ADAMTSL1: variants seen among roughly 807,000 people sequenced by gnomAD.
ADAMTSL1 encodes the protein ADAMTS like 1.
ADAMTSL1 carries 126 observed loss-of-function variants against 201.8 expected under a neutral mutation model. The ratio of observed to expected loss-of-function variants is 0.62; its 90% CI spans 0.54 to 0.72. The LOEUF (loss-of-function observed/expected upper bound fraction) is 0.72, where lower values mean the gene tolerates loss of function less well. Among genes scored for constraint, ADAMTSL1 ranks in the 30% least tolerant of loss-of-function variants. The pLI, the probability that ADAMTSL1 is intolerant of heterozygous loss-of-function variation, is 0.00. For synonymous variants in ADAMTSL1, 1,121 were observed against 903.4 expected, an observed-to-expected ratio of 1.24 and a Z score of -4.32; for missense variants, 2,679 against 2,277.8, an observed-to-expected ratio of 1.18 and a Z score of -3.59.
chr9:18,338,828 A>C (rs71506873), intron 2 of ADAMTSL1, among the ~76,000 whole-genome samples: 1 of 151,842 alleles, frequency 6.6e-6, no homozygotes, highest in Non-Finnish European at 1.5e-5. Flanking sequence ...CTTTGTGTCC[A>C]TATGTACTCA....
intron 1 of ADAMTSL1, among the ~76,000 whole-genome samples, chr9:18,489,141 G>A (rs1341232742): frequency 6.6e-6 from 1 of 152,134 alleles, no homozygotes; most frequent in Non-Finnish European, 1.5e-5. Context: ...TAATTTGAAT[G>A]TATAGACAGA....
At chr9:18,337,244 G>A (rs1021477822) in intron 2 of ADAMTSL1, among the ~76,000 whole-genome samples, 4 of 152,118 alleles carry the variant, frequency 2.6e-5, no homozygotes, top group African/African-American at 9.7e-5. Flanking sequence ...ATCGGTGTAA[G>A]ACTCTTGGAC....
intron 2 of ADAMTSL1, among the ~76,000 whole-genome samples, chr9:18,284,324 T>TA (rs1832915389): frequency 6.6e-6 from 1 of 152,234 alleles, no homozygotes; most frequent in African/African-American, 2.4e-5. Flanking sequence ...TCCCCCTTTC[T>TA]ATTCCAGACT....
intron 3 of ADAMTSL1, among the ~76,000 whole-genome samples, chr9:18,553,382 C>T (rs1820911467): frequency 6.6e-6 from 1 of 151,630 alleles, no homozygotes; most frequent in African/African-American, 2.4e-5. Context: ...AACACTTTAG[C>T]TCTGATTAAC....
In ADAMTSL1 at chr9:18,214,889, C is replaced by T. The variant is rs73645736; in HGVS notation, c.207+50908C>T. ...ATTTACATGTATGTGACCCTGAATACACTTTCTGTAGACATTATCTTCTGC... is the reference window on the plus strand; with the variant it reads ...ATTTACATGTATGTGACCCTGAATATACTTTCTGTAGACATTATCTTCTGC... On this transcript the variant is annotated intron_variant, in intron 2 of 29. Transcript: ENST00000680146. Among the ~76,000 whole-genome samples, 1,239 of 152,216 alleles carry T rather than the reference C, an allele frequency of 8.1e-3. 17 individuals are homozygous for T. Among genetic ancestry groups the T allele is most frequent in the African/African-American group, 0.028 (1,168 of 41,566 alleles).
intron 2 of ADAMTSL1, among the ~76,000 whole-genome samples, chr9:18,312,872 T>G (rs1310764139): frequency 1.3e-5 from 2 of 152,238 alleles, no homozygotes; most frequent in African/African-American, 2.4e-5. Flanking sequence ...ATATGAATGA[T>G]GTGCTGCTTC....
chr9:18,777,503 C>A lies in ADAMTSL1; in HGVS notation c.3274C>A (p.Leu1092Met). The A allele has an allele frequency of 6.3e-7, 1 of 1,596,188 alleles. No individual in the cohort carries two copies. The highest frequency in any genetic ancestry group is 8.5e-7 in the Non-Finnish European group (1 of 1,171,830). The change falls in exon 19 of 29, where the codon CTG becomes ATG. Residue 1092 changes from leucine (L) to methionine (M), a missense_variant. Physicochemically the swap from Leu to Met is conservative, Grantham distance 15. Coordinates refer to ENST00000380548, the MANE Select transcript of ADAMTSL1 (RefSeq NM_001040272.6). ...GAACCTCTCCCAGCAGCCCGAGGAG[C>A]TGCGCGACCTCTACAGCAAGCACCT... ...LGNLSQQPEE[L>M]RDLYSKHLVA...
intron 3 of ADAMTSL1, among the ~76,000 whole-genome samples, chr9:18,572,072 G>A (rs1220162751): frequency 6.6e-6 from 1 of 152,012 alleles, no homozygotes; most frequent in East Asian, 1.9e-4. Flanking sequence ...GCACATGCCT[G>A]TAATCCCAAC....
At chr9:18,592,208 G>C (rs62548413) in intron 4 of ADAMTSL1, among the ~76,000 whole-genome samples, 2,082 of 152,170 alleles carry the variant, frequency 0.014, 46 homozygotes, top group African/African-American at 0.041. Context: ...TTTGGTTTTG[G>C]GGAGTGCTTT....
chr9:18,705,314 A>AATAAAT (rs1167146762), intron 13 of ADAMTSL1, among the ~76,000 whole-genome samples: 10 of 152,358 alleles, frequency 6.6e-5, no homozygotes, highest in Admixed American at 2.0e-4. Context: ...GAAAAATAAA[A>AATAAAT]AATAAAAAAA....
At chr9:18,877,663 C>T (rs1269448754) in intron 23 of ADAMTSL1, among the ~76,000 whole-genome samples, 1 of 152,032 alleles carries the variant, frequency 6.6e-6, no homozygotes, top group Admixed American at 6.5e-5. Flanking sequence ...CTGTGAGGGT[C>T]CTTGGTTGTA....
intron 20 of ADAMTSL1, among the ~76,000 whole-genome samples, chr9:18,815,271 G>A (rs1413444532): frequency 1.3e-5 from 2 of 151,846 alleles, no homozygotes; most frequent in Non-Finnish European, 2.9e-5. Context: ...ATTTACTGCA[G>A]CACTATTCAC....
At chr9:18,757,524 T>C (rs142944406) in intron 16 of ADAMTSL1, among the ~76,000 whole-genome samples, 1 of 152,184 alleles carries the variant, frequency 6.6e-6, no homozygotes, top group East Asian at 1.9e-4. Flanking sequence ...CCTTCATCCC[T>C]CTGCGCATCT....
chr9:18,622,989 G>A (rs190538487), intron 5 of ADAMTSL1, among the ~76,000 whole-genome samples: 22 of 152,226 alleles, frequency 1.4e-4, no homozygotes, highest in African/African-American at 4.6e-4. Context: ...TCCGCTTCCC[G>A]GGTTCAAGTG....
intron 1 of ADAMTSL1, among the ~76,000 whole-genome samples, chr9:18,012,665 G>T (rs1158728151): frequency 2.0e-5 from 3 of 152,056 alleles, no homozygotes. Flanking sequence ...AATGTCTGTG[G>T]TGGGTATTAG....
At chr9:18,298,249 C>CA (rs1190828243) in intron 2 of ADAMTSL1, among the ~76,000 whole-genome samples, 1 of 152,026 alleles carries the variant, frequency 6.6e-6, no homozygotes, top group Non-Finnish European at 1.5e-5. Context: ...AAAGGAGTGA[C>CA]AAGATACCAA....
At chr9:18,727,831 G>A (rs1817981963) in intron 15 of ADAMTSL1, among the ~76,000 whole-genome samples, 2 of 152,114 alleles carry the variant, frequency 1.3e-5, no homozygotes, top group African/African-American at 4.8e-5. Flanking sequence ...TGTAATCCCA[G>A]CATTTTGGGA....
At chr9:17,921,586 C>A (rs1333627094) in intron 1 of ADAMTSL1, among the ~76,000 whole-genome samples, 2 of 152,040 alleles carry the variant, frequency 1.3e-5, no homozygotes, top group African/African-American at 2.4e-5. Context: ...TGATCCAGTT[C>A]CCAATCTTGT....
At chr9:18,457,134 C>A (rs557746086) in intron 2 of ADAMTSL1, among the ~76,000 whole-genome samples, 4 of 152,174 alleles carry the variant, frequency 2.6e-5, no homozygotes, top group Non-Finnish European at 5.9e-5. Context: ...CTTTTCTATG[C>A]ATTTTATTTA....
Sources: allele counts gnomAD v4.1 joint callset (sites outside exome capture counted in the v4.1 genomes callset), GRCh38; gene constraint gnomAD v4.1.1; transcripts MANE v1.5; gene names NCBI Gene and HGNC (gene_info 2026-07-23, HGNC 2026-07-21).